Variants in SMPD2 observed in about 807,000 individuals in gnomAD.
SMPD2 encodes N-SMase.
SMPD2 carries 35 observed loss-of-function variants against 41.7 expected under a neutral mutation model. The observed-to-expected ratio is 0.84, with a 90% CI of 0.64 to 1.11. The LOEUF is 1.11. Among genes scored for constraint, SMPD2 ranks in the 50% most tolerant of loss-of-function variants. The pLI, the probability that SMPD2 is intolerant of heterozygous loss-of-function variation, is 0.00. For missense variants in SMPD2, 520 were observed against 524.8 expected (o/e 0.99, Z 0.09); for synonymous variants, 201 against 208.2 (o/e 0.97, Z 0.30).
chr6:109,442,654 G>A (rs1304750788), intron 6 of SMPD2, 29 bp downstream of exon 6: 3 of 1,614,092 alleles, frequency 1.9e-6, no homozygotes, highest in African/African-American at 2.7e-5. Context: ...GAAATGGGAA[G>A]TGGGATGGGA....
rs769938197 is a variant in SMPD2, at chr6:109,443,380, G to A, written c.843G>A (p.Val281=). The A allele has an allele frequency of 2.5e-6, 4 of 1,614,066 alleles. No homozygotes were observed. The highest frequency in any genetic ancestry group is 2.2e-5 in the East Asian group (1 of 44,876). ...DHEALMATLF[V]RHSPPQQNPS... ...AAGCCCTGATGGCTACTCTGTTTGT[G>A]AGGCACAGCCCCCCACAGCAGAACC... is the stretch of plus-strand genomic sequence containing the variant. The change falls in exon 9 of 10, where the codon GTG becomes GTA. Residue 281 remains valine (V), a synonymous_variant. Transcript: ENST00000258052.
At position 109,442,968 on chromosome 6, in the gene SMPD2, T is replaced by C. The variant is rs1367365937; in HGVS notation, c.625-9T>C. On this transcript the variant is annotated splice_polypyrimidine_tract_variant and intron_variant, in intron 7 of 9. Transcript: ENST00000258052. ...CCCACATCCTAGCATGAGCCAATGATTCCCTTAGGGCTCTGAGGAAGGCAA... is the reference window on the plus strand; with the variant it reads ...CCCACATCCTAGCATGAGCCAATGACTCCCTTAGGGCTCTGAGGAAGGCAA... 2 of 1,613,498 alleles carry C rather than the reference T, an allele frequency of 1.2e-6. No homozygotes were observed. Among genetic ancestry groups the C allele is most frequent in the Non-Finnish European group, 1.7e-6 (2 of 1,179,516 alleles).
In SMPD2 at chr6:109,443,612, G is replaced by A. The variant is rs541359217; in HGVS notation, c.979G>A (p.Ala327Thr). The A allele has an allele frequency of 5.6e-6, 9 of 1,613,806 alleles. No homozygotes were observed. Among genetic ancestry groups the A allele is most frequent in the Admixed American group, 1.7e-5 (1 of 60,030 alleles). ...TCAGGCTCGCTGGTGGGCCACCTTC[G>A]CTAGCTATGTGATTGGCCTGGGGCT... Reference protein sequence around the residue: ...MAQARWWATFASYVIGLGLLL... With the variant: ...MAQARWWATFTSYVIGLGLLL... The change falls in exon 10 of 10, where the codon GCT (alanine) becomes ACT (threonine). Residue 327 changes from alanine to threonine, a missense_variant. Coordinates refer to ENST00000258052, the MANE Select transcript of SMPD2 (RefSeq NM_003080.3).
In SMPD2 at chr6:109,441,132, A is replaced by G. The variant is rs751177773; in HGVS notation, c.11A>G (p.Asn4Ser). Residue 4 changes from asparagine (N) to serine (S), a missense_variant, in exon 1 of 10, where the codon AAC (asparagine) becomes AGC (serine). Physicochemically the swap from Asn to Ser is conservative, Grantham distance 46. Coordinates refer to ENST00000258052, the MANE Select transcript of SMPD2 (RefSeq NM_003080.3). MKP[N>S]FSLRLRIFNL... The stretch of plus-strand genomic sequence containing the variant: ...TGGAGCTCCCCAACCATGAAGCCCA[A>G]CTTCTCCCTGCGACTGCGGATCTTC... 2.5e-6 allele frequency: 4 copies of G among 1,613,984 alleles called. No homozygotes were observed. Among genetic ancestry groups the G allele is most frequent in the South Asian group, 1.1e-5 (1 of 91,086 alleles).
rs766252676 is a variant in SMPD2, at chr6:109,442,598, A to C, written c.464A>C (p.Gln155Pro). Reference sequence around the variant, plus strand: ...ATCTACCTAGCACATCGTGTGGCCCAAGCTTGGGAATTGGCCCAGTTCATC... The same window carrying C: ...ATCTACCTAGCACATCGTGTGGCCCCAGCTTGGGAATTGGCCCAGTTCATC... ...KDIYLAHRVA[Q>P]AWELAQFIHH... is the part of the protein sequence containing the mutation. Residue 155 changes from glutamine to proline, a missense_variant, in exon 6 of 10, where the codon CAA becomes CCA. Gln to Pro is a moderately conservative substitution (Grantham distance 76). Coordinates refer to ENST00000258052, the MANE Select transcript of SMPD2 (RefSeq NM_003080.3). The C allele has an allele frequency of 5.0e-5, 81 of 1,614,060 alleles. No individual in the cohort carries two copies. In the South Asian group the frequency reaches 7.1e-4, roughly 14 times the overall value.
At position 109,443,559 on chromosome 6, in the gene SMPD2, C is replaced by A. The variant is rs758346779; in HGVS notation, c.926C>A (p.Ala309Asp). 1 of 1,613,430 alleles carries A rather than the reference C, an allele frequency of 6.2e-7. No homozygotes were observed. Among genetic ancestry groups the A allele is most frequent in the Non-Finnish European group, 8.5e-7 (1 of 1,179,796 alleles). ...CCGTTGATGTGTGTGCTAAAGGAGG[C>A]CTGGACGGAGCTGGGTCTGGGCATG... ...RSPLMCVLKE[A>D]WTELGLGMAQ... The change falls in exon 10 of 10, where the codon GCC (alanine) becomes GAC (aspartate). Residue 309 changes from alanine (A) to aspartate (D), a missense_variant. By Grantham distance (126) the Ala-to-Asp change is moderately radical. Transcript: ENST00000258052.
At position 109,442,884 on chromosome 6, in the gene SMPD2, G is replaced by A; in HGVS notation, c.624G>A (p.Lys208=). 6.2e-7 allele frequency: 1 copy of A among 1,612,636 alleles called. No homozygotes were observed. The highest frequency in any genetic ancestry group is 1.1e-5 in the South Asian group (1 of 91,074). Reference sequence around the variant, plus strand: ...CCTATCTTGAAACTCGGGACTTCAAGGTGAGGACTTGCCTGTTACTTCCCC... The same window carrying A: ...CCTATCTTGAAACTCGGGACTTCAAAGTGAGGACTTGCCTGTTACTTCCCC... ...HDAYLETRDF[K]GSEEGNTMVP... is the part of the protein sequence containing the mutation. Residue 208 remains lysine, a splice_region_variant and synonymous_variant, in exon 7 of 10, where the codon AAG becomes AAA. Coordinates refer to ENST00000258052, the MANE Select transcript of SMPD2 (RefSeq NM_003080.3).
Position 109,440,836 on chromosome 6 carries a change from C to A in SMPD2, c.-286C>A, listed in dbSNP as rs1323235817. 2.4e-6 allele frequency: 1 copy of A among 415,102 alleles called. No individual in the cohort carries two copies. Among genetic ancestry groups the A allele is most frequent in the Non-Finnish European group, 4.2e-6 (1 of 238,242 alleles). The allele number at this position is 415,102 out of a possible 1,614,324, so 25.7% of individuals were successfully genotyped here. A position where few individuals can be genotyped will look rare whatever the true frequency, so the allele number is the denominator to read the frequency against. On this transcript the variant is annotated 5_prime_UTR_variant, in exon 1 of 10. Transcript: ENST00000258052. ...CGCCCACCCGGGGGCGCTCTCCGGACCCCCAGGGTCCTAGCGCGCGGCCCT... is the reference window on the plus strand; with the variant it reads ...CGCCCACCCGGGGGCGCTCTCCGGAACCCCAGGGTCCTAGCGCGCGGCCCT...
Position 109,443,566 on chromosome 6 carries a change from G to A in SMPD2, c.933G>A (p.Thr311=), listed in dbSNP as rs774830042. ...PLMCVLKEAW[T]ELGLGMAQAR... ...TGTGTGTGCTAAAGGAGGCCTGGAC[G>A]GAGCTGGGTCTGGGCATGGCTCAGG... The change falls in exon 10 of 10, where the codon ACG becomes ACA. Residue 311 remains threonine, a synonymous_variant. Coordinates refer to ENST00000258052, the MANE Select transcript of SMPD2 (RefSeq NM_003080.3). 1.8e-5 allele frequency: 29 copies of A among 1,613,868 alleles called. No individual in the cohort carries two copies. Among genetic ancestry groups the A allele is most frequent in the East Asian group, 2.2e-5 (1 of 44,870 alleles).
intron 5 of SMPD2, 25 bp from the exon 6 acceptor site, chr6:109,442,518 C>T: frequency 6.3e-7 from 1 of 1,591,932 alleles, no homozygotes; most frequent in Non-Finnish European, 8.6e-7. Flanking sequence ...GTCTTATCTG[C>T]TGTGATCTCA....
chr6:109,443,352 A>C lies in SMPD2; in HGVS notation c.815A>C (p.His272Pro). The C allele has an allele frequency of 6.2e-7, 1 of 1,614,038 alleles. No homozygotes were observed. The highest frequency in any genetic ancestry group is 8.5e-7 in the Non-Finnish European group (1 of 1,179,968). ...DPHRGTPLSD[H>P]EALMATLFVR... ...CACAGGGGCACCCCCCTCTCTGATC[A>C]TGAAGCCCTGATGGCTACTCTGTTT... Residue 272 changes from histidine to proline, a missense_variant, in exon 9 of 10, where the codon CAT (histidine) becomes CCT (proline). Coordinates refer to ENST00000258052, the MANE Select transcript of SMPD2 (RefSeq NM_003080.3).
At position 109,440,753 on chromosome 6, in the gene SMPD2, C is replaced by T. The variant is rs1480029066; in HGVS notation, c.-369C>T. On this transcript the variant is annotated 5_prime_UTR_variant, in exon 1 of 10. Transcript: ENST00000258052. ...AACTTTGCGCCTGTTGCTGGGCCGC[C>T]GGCGCGCGGGCGGCCGCGACCGCCG... is the stretch of plus-strand genomic sequence containing the variant. 7 of 237,218 alleles carry T rather than the reference C, an allele frequency of 3.0e-5. No homozygotes were observed. The highest frequency in any genetic ancestry group is 1.9e-4 in the Admixed American group (3 of 15,652). 14.7% of individuals were successfully genotyped at this position (237,218 alleles called of 1,614,324 possible). A position where few individuals can be genotyped will look rare whatever the true frequency, so the allele number is the denominator to read the frequency against.
rs756976116 is a variant in SMPD2 at position 109,442,503 on chromosome 6, C to T, written c.409-40C>T. ...CTTGATTCAGACATACCCCTGGGAC[C>T]CTCAGTCTTATCTGCTGTGATCTCA... On this transcript the variant is annotated intron_variant, in intron 5 of 9. Transcript: ENST00000258052. The T allele has an allele frequency of 4.4e-5, 68 of 1,558,350 alleles. 1 individual carries two copies. The South Asian group carries it at 7.3e-4, about 17-fold the overall frequency.
At chr6:109,443,474 C>T (rs748166353) in intron 9 of SMPD2, 43 bp from the exon 10 acceptor site, 2 of 1,609,460 alleles carry the variant, frequency 1.2e-6, no homozygotes, top group South Asian at 2.2e-5. Flanking sequence ...GCAGCCCTTC[C>T]ACTCTTGACT....
At position 109,443,501 on chromosome 6, in the gene SMPD2, C is replaced by A; in HGVS notation, c.884-16C>A. On this transcript the variant is annotated splice_polypyrimidine_tract_variant and intron_variant, in intron 9 of 9. Transcript: ENST00000258052. ...CTCTTGACTCTCTCCTGCCCCACTG[C>A]CCTGCTCTGTTGTAGGACCAGCAGA... 1 of 1,608,304 alleles carries A rather than the reference C, an allele frequency of 6.2e-7. No homozygotes were observed. Among genetic ancestry groups the A allele is most frequent in the South Asian group, 1.1e-5 (1 of 90,452 alleles).
intron 3 of SMPD2, 144 bp downstream of exon 3, chr6:109,441,772 A>C: frequency 1.1e-6 from 1 of 928,200 alleles, no homozygotes; most frequent in Non-Finnish European, 1.7e-6. Flanking sequence ...GTGAACCAAG[A>C]AGGTCCTATG....
At chr6:109,441,290 C>A in intron 1 of SMPD2, 67 bp from the exon 2 acceptor site, 2 of 1,582,456 alleles carry the variant, frequency 1.3e-6, no homozygotes, top group African/African-American at 1.3e-5. Flanking sequence ...CCTCCAAAGT[C>A]CACATCTGGC....
rs773951194 is a variant in SMPD2 at position 109,442,777 on chromosome 6, G to T, written c.517G>T (p.Val173Phe). 6.2e-7 allele frequency: 1 copy of T among 1,614,038 alleles called. No individual in the cohort carries two copies. Among genetic ancestry groups the T allele is most frequent in the Admixed American group, 1.7e-5 (1 of 60,010 alleles). Residue 173 changes from valine to phenylalanine, a missense_variant, in exon 7 of 10, where the codon GTT becomes TTT. Val to Phe is a conservative substitution (Grantham distance 50). Coordinates refer to ENST00000258052, the MANE Select transcript of SMPD2 (RefSeq NM_003080.3). The part of the protein sequence containing the change: ...IHHTSKKADV[V>F]LLCGDLNMHP... ...CCACACATCCAAGAAGGCAGACGTGGTTCTGTTGTGTGGAGACCTCAACAT... is the reference window on the plus strand; with the variant it reads ...CCACACATCCAAGAAGGCAGACGTGTTTCTGTTGTGTGGAGACCTCAACAT...
At chr6:109,442,428 C>A in intron 5 of SMPD2, 115 bp from the exon 6 acceptor site, 1 of 1,325,384 alleles carries the variant, frequency 7.5e-7, no homozygotes, top group Non-Finnish European at 1.1e-6. Context: ...AAGCAATGGG[C>A]AAGGCTTATC....
Sources: allele counts gnomAD v4.1 joint callset, GRCh38; gene constraint gnomAD v4.1.1; transcripts MANE v1.5; gene names NCBI Gene and HGNC (gene_info 2026-07-23, HGNC 2026-07-21).